TBCD: variants seen among roughly 807,000 people sequenced by gnomAD.
TBCD encodes tubulin folding cofactor D, also known as tubulin-specific chaperone D.
In TBCD, 105 loss-of-function variants were observed where a neutral mutation model predicts 169.3. The observed-to-expected ratio is 0.62, with a 90% CI of 0.53 to 0.73. The LOEUF is 0.73. Among genes scored for constraint, TBCD ranks in the 30% least tolerant of loss-of-function variants. TBCD has a pLI of 0.00. For synonymous variants in TBCD, 700 were observed against 643.9 expected (o/e 1.09, Z -1.32); for missense variants, 1,444 against 1,600.1 (o/e 0.90, Z 1.66).
At chr17:82,819,971 T>G (rs2052273086) in intron 13 of TBCD, among the ~76,000 whole-genome samples, 1 of 150,662 alleles carries the variant, frequency 6.6e-6, no homozygotes, top group South Asian at 2.1e-4. Flanking sequence ...GGTTTAAGTT[T>G]ACCTTTTTTT....
chr17:82,884,269 C>G lies in TBCD; in HGVS notation c.1533+67C>G. The G allele has an allele frequency of 7.1e-7, 1 of 1,416,156 alleles. No homozygotes were observed. The highest frequency in any genetic ancestry group is 9.8e-7 in the Non-Finnish European group (1 of 1,024,002). 87.7% of individuals were successfully genotyped at this position (1,416,156 alleles called of 1,614,324 possible). On this transcript the variant is annotated intron_variant, in intron 15 of 38. Coordinates refer to ENST00000355528, the MANE Select transcript of TBCD (RefSeq NM_005993.5). This position sits in a 1 kb window ranked among gnomAD's most constrained non-coding sequence, Gnocchi z 4.2. ...GGGTGGGCCTGGTCTCCCTGATGCT[C>G]CTCTGTGCACTGCTGCCTGGCCAGC...
At chr17:82,797,248 C>T (rs763797923) in intron 7 of TBCD, among the ~76,000 whole-genome samples, 1 of 152,142 alleles carries the variant, frequency 6.6e-6, no homozygotes, top group African/African-American at 2.4e-5. Context: ...GTGTGCGCAT[C>T]GTGGGGACCG....
At chr17:82,809,909 C>T in intron 12 of TBCD, 127 bp downstream of exon 12, 1 of 809,848 alleles carries the variant, frequency 1.2e-6, no homozygotes, top group Admixed American at 2.8e-5. Context: ...CTCTTTTTTC[C>T]CCCTTTTGAA....
At chr17:82,859,634 G>A in intron 13 of TBCD, 1 of 985,466 alleles carries the variant, frequency 1.0e-6, no homozygotes, top group South Asian at 4.7e-5. Context: ...ACAAAGAGTG[G>A]AGGTTGGAGT....
chr17:82,759,549 CT>C (rs1364578302), intron 2 of TBCD, among the ~76,000 whole-genome samples: 2 of 152,104 alleles, frequency 1.3e-5, no homozygotes, highest in Admixed American at 1.3e-4. Context: ...TGGTCTCGAA[CT>C]TCTGGCCCCA....
At chr17:82,854,372 G>A (rs2145703357) in intron 13 of TBCD, among the ~76,000 whole-genome samples, 1 of 152,326 alleles carries the variant, frequency 6.6e-6, no homozygotes, top group East Asian at 1.9e-4. Context: ...CCTCATGCAA[G>A]CACGTCCACA....
intron 13 of TBCD, among the ~76,000 whole-genome samples, chr17:82,857,422 C>A (rs1228377313): frequency 6.6e-6 from 1 of 151,292 alleles, no homozygotes; most frequent in Non-Finnish European, 1.5e-5. Flanking sequence ...CTTTTTTTTT[C>A]TTTTGATAAT....
chr17:82,899,312 GTCC>G (rs1331707928), intron 17 of TBCD, among the ~76,000 whole-genome samples: 2 of 151,774 alleles, frequency 1.3e-5, no homozygotes, highest in South Asian at 2.1e-4. Flanking sequence ...CCGCTCACGT[GTCC>G]TCAGCGCGCG....
At chr17:82,906,324 C>G (rs966000405) in intron 20 of TBCD, among the ~76,000 whole-genome samples, 6 of 152,220 alleles carry the variant, frequency 3.9e-5, no homozygotes, top group Non-Finnish European at 1.5e-5. Context: ...GCTGTCCTGC[C>G]CCTGCTGCCT....
rs1340875215 is a variant in TBCD, at chr17:82,907,758, CA to C, written c.1923-2del. On this transcript the variant is annotated splice_acceptor_variant, in intron 20 of 38. Coordinates refer to ENST00000355528, the MANE Select transcript of TBCD (RefSeq NM_005993.5). LOFTEE classifies it high-confidence loss of function. ...CTTCAGCTCTGTGTTTGAACTTCTG[CA>C]GGCCCGTCACGGACCATCTGGACGA... The C allele has an allele frequency of 1.2e-6, 2 of 1,613,596 alleles. No homozygotes were observed. The highest frequency in any genetic ancestry group is 1.7e-6 in the Non-Finnish European group (2 of 1,179,764).
At chr17:82,858,988 C>T (rs1471720232) in intron 13 of TBCD, among the ~76,000 whole-genome samples, 6 of 152,346 alleles carry the variant, frequency 3.9e-5, no homozygotes, top group South Asian at 2.1e-4. Flanking sequence ...GGCCAGGCTG[C>T]GTGGCAACCC....
chr17:82,815,869 T>A (rs1474080184), intron 13 of TBCD, among the ~76,000 whole-genome samples: 1 of 152,212 alleles, frequency 6.6e-6, no homozygotes, highest in Non-Finnish European at 1.5e-5. Flanking sequence ...TCTCTGCTTA[T>A]TTTTTTCCAG....
rs2049560707 is a variant in TBCD, at chr17:82,789,644, C to G, written c.771+7923C>G. 6.6e-6 allele frequency among the ~76,000 whole-genome samples: 1 copy of G among 152,240 alleles called. No homozygotes were observed. The highest frequency in any genetic ancestry group is 2.1e-4 in the South Asian group (1 of 4,838). On this transcript the variant is annotated intron_variant, in intron 7 of 38. Transcript: ENST00000355528. The surrounding 1 kb of genome is among the most constrained non-coding windows in gnomAD (Gnocchi z 4.8). ...CTCACAGACCCGTGATGCCTCACTG[C>G]CCACGCAGTCACCTTAGAGGCACCT...
intron 13 of TBCD, among the ~76,000 whole-genome samples, chr17:82,853,156 T>C (rs74767829): frequency 6.6e-6 from 1 of 151,926 alleles, no homozygotes; most frequent in East Asian, 1.9e-4. Context: ...CATAGCTCAC[T>C]GCATCCTTGA....
At chr17:82,902,945 G>A (rs75400967) in intron 18 of TBCD, among the ~76,000 whole-genome samples, 16,211 of 152,208 alleles carry the variant, frequency 0.11, 1,158 homozygotes, top group South Asian at 0.29. Flanking sequence ...GCCTTTCGCG[G>A]TCCGCATGTT....
rs1599454045 is a variant in TBCD, at chr17:82,909,267, T to C, written c.1984-18T>C. The stretch of plus-strand genomic sequence containing the variant: ...TAAAATTTAAATCATTAAATAACTT[T>C]CAGTTTTTTATTTTCAGCTCTATGA... On this transcript the variant is annotated intron_variant, in intron 21 of 38. Coordinates refer to ENST00000355528, the MANE Select transcript of TBCD (RefSeq NM_005993.5). 3 of 1,496,262 alleles carry C rather than the reference T, an allele frequency of 2.0e-6. No homozygotes were observed. The highest frequency in any genetic ancestry group is 1.4e-5 in the African/African-American group (1 of 72,262). 92.7% of individuals were successfully genotyped at this position (1,496,262 alleles called of 1,614,324 possible). A position where few individuals can be genotyped will look rare whatever the true frequency, so the allele number is the denominator to read the frequency against.
chr17:82,814,860 C>G lies in TBCD; in HGVS notation c.1244C>G (p.Ala415Gly). Residue 415 changes from alanine to glycine, a missense_variant, in exon 13 of 39, where the codon GCG (alanine) becomes GGG (glycine). Ala to Gly is a moderately conservative substitution (Grantham distance 60). Coordinates refer to ENST00000355528, the MANE Select transcript of TBCD (RefSeq NM_005993.5). Reference sequence around the variant, plus strand: ...CTCAGTTTCCAGGAGACTGACAAGGCGTGGCATGGGGGATGTCTGGCGCTG... The same window carrying G: ...CTCAGTTTCCAGGAGACTGACAAGGGGTGGCATGGGGGATGTCTGGCGCTG... ...DCFSFQETDK[A>G]WHGGCLALAE... The G allele has an allele frequency of 6.2e-7, 1 of 1,613,780 alleles. No homozygotes were observed. The highest frequency in any genetic ancestry group is 8.5e-7 in the Non-Finnish European group (1 of 1,179,846).
In TBCD at chr17:82,930,320, A is replaced by G. The variant is rs2062093161; in HGVS notation, c.2992-202A>G. The stretch of plus-strand genomic sequence containing the variant: ...GGCTCAGGCTGAGCTGCCGTTGCCG[A>G]GAGCCTTGTGTCTGCTTCGGGTGTC... On this transcript the variant is annotated intron_variant, in intron 32 of 38. Transcript: ENST00000355528. This position sits in a 1 kb window ranked among gnomAD's most constrained non-coding sequence, Gnocchi z 5.2. The G allele has an allele frequency of 1.5e-6, 1 of 657,582 alleles. No individual in the cohort carries two copies. The highest frequency in any genetic ancestry group is 2.1e-5 in the South Asian group (1 of 46,744). The allele number at this position is 657,582 out of a possible 1,614,324, so 40.7% of individuals were successfully genotyped here.
Position 82,937,605 on chromosome 17 carries a change from G to C in TBCD, c.3281+245G>C, listed in dbSNP as rs2062739330. On this transcript the variant is annotated intron_variant, in intron 35 of 38. Transcript: ENST00000355528. ...CTCTGCTGCCCTCGCGCTCTGCCCT[G>C]GCGGGAGGGGAGGCTCCGGAAAGGA... The C allele has an allele frequency of 6.7e-6, 4 of 598,230 alleles. No individual in the cohort carries two copies. In the Admixed American group the frequency reaches 8.9e-5, roughly 13 times the overall value. The allele number at this position is 598,230 out of a possible 1,614,324, so 37.1% of individuals were successfully genotyped here. A position where few individuals can be genotyped will look rare whatever the true frequency, so the allele number is the denominator to read the frequency against.
Sources: gnomAD v4.1 joint callset for allele counts (sites outside exome capture counted in the v4.1 genomes callset) on GRCh38, gnomAD v4.1.1 for gene constraint, Gnocchi (gnomAD v3.1) non-coding constraint, MANE v1.5 for transcripts, NCBI Gene and HGNC (gene_info 2026-07-23, HGNC 2026-07-21) for gene names.